CACNA1B: variants seen among roughly 807,000 people sequenced by gnomAD.
CACNA1B encodes the protein voltage-dependent N-type calcium channel subunit alpha-1B.
Under a neutral mutation model 247.2 loss-of-function variants are expected in CACNA1B, and 70 were observed. That is an observed-to-expected ratio of 0.28 (90% confidence interval 0.23 to 0.35). The LOEUF is 0.35. Among genes scored for constraint, CACNA1B ranks in the 10% least tolerant of loss-of-function variants. CACNA1B has a pLI of 1.00. For missense variants in CACNA1B, 2,367 were observed against 3,197.4 expected, an observed-to-expected ratio of 0.74 and a Z score of 6.26; for synonymous variants, 1,231 against 1,294.4, an observed-to-expected ratio of 0.95 and a Z score of 1.05.
rs761769365 is a variant in CACNA1B at position 137,882,905 on chromosome 9, G to T, written c.530+22G>T. 4 of 1,607,858 alleles carry T rather than the reference G, an allele frequency of 2.5e-6. No individual in the cohort carries two copies. In the South Asian group the frequency reaches 4.4e-5, roughly 18 times the overall value. On this transcript the variant is annotated intron_variant, in intron 3 of 46. Coordinates refer to ENST00000371372, the MANE Select transcript of CACNA1B (RefSeq NM_000718.4). This position sits in a 1 kb window ranked among gnomAD's most constrained non-coding sequence, Gnocchi z 4.0. ...CAGGGTAGGCAAGCTGAGGCCAGGAGGCCCAGCGTGTGAGGCCCGGGCGTG... is the reference window on the plus strand; with the variant it reads ...CAGGGTAGGCAAGCTGAGGCCAGGATGCCCAGCGTGTGAGGCCCGGGCGTG...
chr9:138,055,357 T>C lies in CACNA1B; in HGVS notation c.3968+1351T>C, dbSNP rs568411144. 6.6e-5 allele frequency among the ~76,000 whole-genome samples: 10 copies of C among 152,284 alleles called. No homozygotes were observed. In the South Asian group the frequency reaches 2.1e-3, roughly 32 times the overall value. On this transcript the variant is annotated intron_variant, in intron 26 of 46. Transcript: ENST00000371372. ...TGTTGCCAAGCTGGTCTCGAGCTCC[T>C]GGGCTCAAGCAGTCCTCTTGCCTCG...
At chr9:138,026,090 G>A (rs975832216) in intron 20 of CACNA1B, among the ~76,000 whole-genome samples, 5 of 152,120 alleles carry the variant, frequency 3.3e-5, no homozygotes. Context: ...ACACAGACGT[G>A]TGCGTGCCCA....
In CACNA1B at chr9:138,052,110, C is replaced by A; in HGVS notation, c.3729C>A (p.Asp1243Glu). Residue 1243 changes from aspartate (D) to glutamate (E), a missense_variant, in exon 25 of 47, where the codon GAC (aspartate) becomes GAA (glutamate). By Grantham distance (45) the Asp-to-Glu change is conservative. Around this residue, in one of 12 missense-constraint regions of CACNA1B, gnomAD observed 436 missense variants for 679.5 expected, o/e 0.64. Transcript: ENST00000371372. This position sits in a 1 kb window ranked among gnomAD's most constrained non-coding sequence, Gnocchi z 5.1. ...CTTCTAGAGGATCCAAAGGGAAAGACATCAATACCATCAAGTCTCTGAGAG... is the reference window on the plus strand; with the variant it reads ...CTTCTAGAGGATCCAAAGGGAAAGAAATCAATACCATCAAGTCTCTGAGAG... ...AFAFSGSKGKDINTIKSLRVL... is the reference protein window; with the variant it reads ...AFAFSGSKGKEINTIKSLRVL... 1 of 1,608,180 alleles carries A rather than the reference C, an allele frequency of 6.2e-7. No homozygotes were observed. The highest frequency in any genetic ancestry group is 8.5e-7 in the Non-Finnish European group (1 of 1,175,052).
rs1371225535 is a variant in CACNA1B, at chr9:138,121,187, C to A, written c.6490-282C>A. Among the ~76,000 whole-genome samples the A allele has an allele frequency of 6.6e-6, 1 of 152,188 alleles. No homozygotes were observed. Among genetic ancestry groups the A allele is most frequent in the Non-Finnish European group, 1.5e-5 (1 of 68,036 alleles). On this transcript the variant is annotated intron_variant, in intron 46 of 46. Coordinates refer to ENST00000371372, the MANE Select transcript of CACNA1B (RefSeq NM_000718.4). The surrounding 1 kb of genome is among the most constrained non-coding windows in gnomAD (Gnocchi z 6.8). The stretch of plus-strand genomic sequence containing the variant: ...CGGTCACTTAACTCTCCTTCCCTGA[C>A]TGTGGTCGTTGGGCTTTTGTTCTGT...
At chr9:137,993,015 C>T (rs1418515390) in intron 15 of CACNA1B, among the ~76,000 whole-genome samples, 1 of 151,966 alleles carries the variant, frequency 6.6e-6, no homozygotes, top group East Asian at 1.9e-4. Context: ...CTATCAAAAC[C>T]TCTGGGATAC....
intron 39 of CACNA1B, 35 bp from the exon 40 acceptor site, chr9:138,112,363 G>A: frequency 6.6e-7 from 1 of 1,518,058 alleles, no homozygotes; most frequent in Non-Finnish European, 9.1e-7. Context: ...TAACATCTCT[G>A]TCTTTTCCCC....
Position 137,911,540 on chromosome 9 carries a change from C to T in CACNA1B, c.531-1640C>T, listed in dbSNP as rs532194410. Among the ~76,000 whole-genome samples, 6 of 152,328 alleles carry T rather than the reference C, an allele frequency of 3.9e-5. No homozygotes were observed. The South Asian group carries it at 6.2e-4, about 16-fold the overall frequency. On this transcript the variant is annotated intron_variant, in intron 3 of 46. Transcript: ENST00000371372. ...AAGCAGTTCTCCTGCCTCAGCCTCC[C>T]GAGTAGCTGGAATTACAGGCATGCG... is the stretch of plus-strand genomic sequence containing the variant.
intron 38 of CACNA1B, among the ~76,000 whole-genome samples, chr9:138,103,971 G>T (rs1961339843): frequency 6.6e-6 from 1 of 152,348 alleles, no homozygotes; most frequent in South Asian, 2.1e-4. Flanking sequence ...TGCATGCAAG[G>T]CTGTAGCTTT....
rs200035679 is a variant in CACNA1B, at chr9:138,121,929, C to T, written c.6950C>T (p.Thr2317Ile). 1.1e-4 allele frequency: 181 copies of T among 1,609,436 alleles called. No homozygotes were observed. The highest frequency in any genetic ancestry group is 1.3e-4 in the Non-Finnish European group (154 of 1,179,852). ...LRRVPNGYHC[T>I]LGLSSGGRAR... ...CGCGTGCCCAACGGTTACCACTGCA[C>T]CCTGGGACTCAGCTCGGGTGGCCGA... Residue 2317 changes from threonine (T) to isoleucine (I), a missense_variant, in exon 47 of 47, where the codon ACC becomes ATC. Physicochemically the swap from Thr to Ile is moderately conservative, Grantham distance 89. Transcript: ENST00000371372. This position sits in a 1 kb window ranked among gnomAD's most constrained non-coding sequence, Gnocchi z 6.8.
At chr9:137,930,664 A>G (rs1957597675) in intron 6 of CACNA1B, among the ~76,000 whole-genome samples, 1 of 152,058 alleles carries the variant, frequency 6.6e-6, no homozygotes, top group South Asian at 2.1e-4. Context: ...CTATTCTACA[A>G]ATTGTTAAGA....
Position 138,058,003 on chromosome 9 carries a change from G to A in CACNA1B, c.4107-46G>A, listed in dbSNP as rs966383706. On this transcript the variant is annotated intron_variant, in intron 27 of 46. Transcript: ENST00000371372. The surrounding 1 kb of genome is among the most constrained non-coding windows in gnomAD (Gnocchi z 4.7). ...GTGCAGGTCTTGAGTTCTTAGGGCT[G>A]TCTCCTTTGGGGGTTCCCCTGACAC... is the stretch of plus-strand genomic sequence containing the variant. 1 of 1,580,478 alleles carries A rather than the reference G, an allele frequency of 6.3e-7. No individual in the cohort carries two copies. Among genetic ancestry groups the A allele is most frequent in the Non-Finnish European group, 8.7e-7 (1 of 1,149,608 alleles).
chr9:137,909,535 G>A (rs777326787), intron 3 of CACNA1B, among the ~76,000 whole-genome samples: 13 of 152,184 alleles, frequency 8.5e-5, no homozygotes, highest in Non-Finnish European at 1.5e-4. Flanking sequence ...GCATTAGAGC[G>A]TCGTTCCTTT....
Position 138,059,718 on chromosome 9 carries a change from T to C in CACNA1B, c.4649T>C (p.Ile1550Thr). 1 of 1,601,794 alleles carries C rather than the reference T, an allele frequency of 6.2e-7. No homozygotes were observed. ...FVTVLGSITD[I>T]LVTEIAETNN... The stretch of plus-strand genomic sequence containing the variant: ...ACTGTGTTGGGAAGTATTACTGATA[T>C]TTTAGTAACAGAGATTGCGGTAAGT... The change falls in exon 31 of 47, where the codon ATT becomes ACT. Residue 1550 changes from isoleucine (I) to threonine (T), a missense_variant. Physicochemically the swap from Ile to Thr is moderately conservative, Grantham distance 89. Coordinates refer to ENST00000371372, the MANE Select transcript of CACNA1B (RefSeq NM_000718.4). The surrounding 1 kb of genome is among the most constrained non-coding windows in gnomAD (Gnocchi z 4.2).
chr9:137,912,042 C>T (rs1237881406), intron 3 of CACNA1B, among the ~76,000 whole-genome samples: 1 of 152,196 alleles, frequency 6.6e-6, no homozygotes, highest in Admixed American at 6.5e-5. Flanking sequence ...AAAAAAGGTA[C>T]ATCTTTTATA....
intron 15 of CACNA1B, among the ~76,000 whole-genome samples, chr9:137,988,317 G>A (rs1378315234): frequency 1.3e-5 from 2 of 152,200 alleles, no homozygotes; most frequent in Non-Finnish European, 2.9e-5. Context: ...GGTGGCAGGT[G>A]TGGGATGGGA....
rs117528792 is a variant in CACNA1B, at chr9:137,945,390, C to T, written c.967-6884C>T. On this transcript the variant is annotated intron_variant, in intron 6 of 46. Coordinates refer to ENST00000371372, the MANE Select transcript of CACNA1B (RefSeq NM_000718.4). ...CTGGAAAAACTCTGGGTCTTGTCTG[C>T]GGTTCCCAAGGGCATCCCCACCTCT... Among the ~76,000 whole-genome samples, 1,392 of 152,292 alleles carry T rather than the reference C, an allele frequency of 9.1e-3. 11 individuals carry two copies. The highest frequency in any genetic ancestry group is 0.015 in the Non-Finnish European group (1,037 of 68,018).
At chr9:138,069,352 C>A (rs971098696) in intron 31 of CACNA1B, among the ~76,000 whole-genome samples, 3 of 152,126 alleles carry the variant, frequency 2.0e-5, no homozygotes, top group Admixed American at 1.3e-4. Flanking sequence ...ACATTGATTT[C>A]TTTGCCTGGA....
At chr9:138,031,412 G>A (rs958617578) in intron 20 of CACNA1B, among the ~76,000 whole-genome samples, 1 of 152,122 alleles carries the variant, frequency 6.6e-6, no homozygotes, top group Non-Finnish European at 1.5e-5. Context: ...AGTTTGTTAA[G>A]GTTCGTGGCC....
chr9:138,027,005 C>T (rs977223612), intron 20 of CACNA1B, among the ~76,000 whole-genome samples: 16 of 152,172 alleles, frequency 1.1e-4, no homozygotes, highest in African/African-American at 3.9e-4. Flanking sequence ...TTTGCAATTT[C>T]CTAATGACAT....
Sources: allele counts gnomAD v4.1 joint callset (sites outside exome capture counted in the v4.1 genomes callset), GRCh38; gene constraint gnomAD v4.1.1; regional missense constraint gnomAD v4.1.1; non-coding constraint Gnocchi (gnomAD v3.1); transcripts MANE v1.5; gene names NCBI Gene and HGNC (gene_info 2026-07-23, HGNC 2026-07-21).